METAP2: variants seen among roughly 807,000 people sequenced by gnomAD.
The protein encoded by METAP2 is methionine aminopeptidase 2.
METAP2 carries 25 observed loss-of-function variants against 59.4 expected under a neutral mutation model. That is an observed-to-expected ratio of 0.42 (90% CI 0.31 to 0.59). The LOEUF is 0.59. Among genes scored for constraint, METAP2 ranks in the 20% least tolerant of loss-of-function variants. The pLI, the probability that METAP2 is intolerant of heterozygous loss-of-function variation, is 0.16. For missense variants in METAP2, 366 were observed against 581.2 expected, an observed-to-expected ratio of 0.63 and a Z score of 3.81; for synonymous variants, 214 against 194.1, an observed-to-expected ratio of 1.10 and a Z score of -0.85.
rs202077298 is a variant in METAP2 at position 95,515,131 on chromosome 12, G to T, written c.*1227G>T. 1.3e-5 allele frequency: 2 copies of T among 152,562 alleles called. No homozygotes were observed. The highest frequency in any genetic ancestry group is 2.9e-5 in the Non-Finnish European group (2 of 68,018). The allele number at this position is 152,562 out of a possible 1,614,324, so 9.5% of individuals were successfully genotyped here. A position where few individuals can be genotyped will look rare whatever the true frequency, so the allele number is the denominator to read the frequency against. ...ATTTGTATATGTTTCAGTACAATGA[G>T]ATTTTATTGCCTCTGGGATGCTGTT... On this transcript the variant is annotated 3_prime_UTR_variant, in exon 11 of 11. Transcript: ENST00000323666.
intron 8 of METAP2, among the ~76,000 whole-genome samples, chr12:95,505,881 G>A (rs1260825839): frequency 6.6e-6 from 1 of 151,570 alleles, no homozygotes; most frequent in Non-Finnish European, 1.5e-5. Context: ...GGTCACCTGA[G>A]GTCAGGAGTT....
At chr12:95,485,215 T>G (rs1343374673) in intron 3 of METAP2, among the ~76,000 whole-genome samples, 2 of 152,218 alleles carry the variant, frequency 1.3e-5, no homozygotes, top group East Asian at 3.8e-4. Flanking sequence ...TAGCCATTTG[T>G]TCAAGTCATA....
chr12:95,481,022 A>G (rs990498839), intron 2 of METAP2, among the ~76,000 whole-genome samples: 2 of 152,200 alleles, frequency 1.3e-5, no homozygotes, highest in Non-Finnish European at 2.9e-5. Flanking sequence ...TAATGTTTCT[A>G]GATAGTGCAA....
intron 4 of METAP2, among the ~76,000 whole-genome samples, chr12:95,488,811 A>G (rs1387814091): frequency 6.6e-6 from 1 of 152,042 alleles, no homozygotes; most frequent in Admixed American, 6.6e-5. Flanking sequence ...TTAGGCTAAT[A>G]CTATTTTGAT....
rs1199699997 is a variant in METAP2, at chr12:95,501,471, A to T, written c.868-2594A>T. 5.9e-5 allele frequency among the ~76,000 whole-genome samples: 9 copies of T among 152,320 alleles called. No individual in the cohort carries two copies. The East Asian group carries it at 1.2e-3, about 20-fold the overall frequency. ...GGTGGCTCATGCCTGTAATCCCAGC[A>T]CTTGGGAGGCTGAGGCGGGCGGATC... is the stretch of plus-strand genomic sequence containing the variant. On this transcript the variant is annotated intron_variant, in intron 7 of 10. Coordinates refer to ENST00000323666, the MANE Select transcript of METAP2 (RefSeq NM_006838.4).
chr12:95,503,666 G>C (rs1159628641), intron 7 of METAP2, among the ~76,000 whole-genome samples: 1 of 152,200 alleles, frequency 6.6e-6, no homozygotes, highest in East Asian at 1.9e-4. Flanking sequence ...CCCCCAAGCT[G>C]TGTGCGTGTT....
chr12:95,476,255 C>T (rs2076117700), intron 2 of METAP2, 77 bp downstream of exon 2: 1 of 917,920 alleles, frequency 1.1e-6, no homozygotes, highest in African/African-American at 1.7e-5. Context: ...ACCTGTAATC[C>T]CAGCACTTTG....
chr12:95,501,007 ATTTTT>A (rs540202398), intron 7 of METAP2, among the ~76,000 whole-genome samples: 4 of 103,536 alleles, frequency 3.9e-5, no homozygotes, highest in African/African-American at 1.1e-4. Flanking sequence ...CTTTGTTGGG[ATTTTT>A]TTTTTTTTTT....
chr12:95,501,720 A>G (rs1158413720), intron 7 of METAP2, among the ~76,000 whole-genome samples: 1 of 137,170 alleles, frequency 7.3e-6, no homozygotes. Context: ...TTTCAAAAAG[A>G]AAAAAAAAAA....
At chr12:95,512,445 GC>G (rs1173744355) in intron 9 of METAP2, among the ~76,000 whole-genome samples, 1 of 152,180 alleles carries the variant, frequency 6.6e-6, no homozygotes, top group African/African-American at 2.4e-5. Flanking sequence ...GGTAGCTCAG[GC>G]CTGTTAATCC....
At chr12:95,480,923 C>T (rs555323780) in intron 2 of METAP2, among the ~76,000 whole-genome samples, 1 of 152,278 alleles carries the variant, frequency 6.6e-6, no homozygotes, top group East Asian at 1.9e-4. Context: ...TCATTGCTGT[C>T]TCTAAGGTCA....
chr12:95,486,071 A>G, intron 4 of METAP2, 90 bp downstream of exon 4: 1 of 893,518 alleles, frequency 1.1e-6, no homozygotes, highest in Non-Finnish European at 1.7e-6. Context: ...ACTTTGCTCC[A>G]CTACTTTAAT....
chr12:95,504,172 T>G lies in METAP2; in HGVS notation c.964+11T>G. 6.6e-7 allele frequency: 1 copy of G among 1,506,322 alleles called. No individual in the cohort carries two copies. The highest frequency in any genetic ancestry group is 9.2e-7 in the Non-Finnish European group (1 of 1,089,100). The allele number at this position is 1,506,322 out of a possible 1,614,324, so 93.3% of individuals were successfully genotyped here. On this transcript the variant is annotated intron_variant, in intron 8 of 10. Transcript: ENST00000323666. ...GGAAGACATATCAAGGTATGTTCTTTTAAAATATATCTTATTTTGAAATTG... is the reference window on the plus strand; with the variant it reads ...GGAAGACATATCAAGGTATGTTCTTGTAAAATATATCTTATTTTGAAATTG...
chr12:95,503,402 A>G (rs2076331225), intron 7 of METAP2, among the ~76,000 whole-genome samples: 1 of 152,176 alleles, frequency 6.6e-6, no homozygotes, highest in Non-Finnish European at 1.5e-5. Context: ...GGGGGAGAAC[A>G]AGAAAAATGA....
chr12:95,508,542 CTG>C, intron 8 of METAP2, among the ~76,000 whole-genome samples: 1 of 152,204 alleles, frequency 6.6e-6, no homozygotes, highest in Non-Finnish European at 1.5e-5. Context: ...GGAGTACACA[CTG>C]TAGCAGTCTG....
At chr12:95,494,622 C>G (rs1488804287) in intron 5 of METAP2, among the ~76,000 whole-genome samples, 1 of 152,182 alleles carries the variant, frequency 6.6e-6, no homozygotes, top group Non-Finnish European at 1.5e-5. Flanking sequence ...ATGTAATTCT[C>G]TGATTCCTAC....
chr12:95,479,878 G>A (rs910333733), intron 2 of METAP2, among the ~76,000 whole-genome samples: 4 of 152,180 alleles, frequency 2.6e-5, no homozygotes, highest in Non-Finnish European at 4.4e-5. Context: ...CAAAGTGCTG[G>A]GATTACAGGC....
intron 6 of METAP2, among the ~76,000 whole-genome samples, chr12:95,495,460 T>G (rs947395759): frequency 6.6e-6 from 1 of 152,146 alleles, no homozygotes; most frequent in Non-Finnish European, 1.5e-5. Context: ...ATATCTCTTT[T>G]ATTCAAATAA....
chr12:95,502,908 G>T (rs2076327098), intron 7 of METAP2, among the ~76,000 whole-genome samples: 2 of 147,264 alleles, frequency 1.4e-5, no homozygotes. Context: ...TTTTCTTTTA[G>T]GTTTTCTATT....
Sources: allele counts gnomAD v4.1 joint callset (sites outside exome capture counted in the v4.1 genomes callset), GRCh38; gene constraint gnomAD v4.1.1; transcripts MANE v1.5; gene names NCBI Gene and HGNC (gene_info 2026-07-23, HGNC 2026-07-21).